The following TDRD6 variants were observed in gnomAD, a reference collection of about 807,000 sequenced individuals.
TDRD6 encodes tudor domain containing 6, also known as tudor domain-containing protein 6.
A neutral mutation model predicts 157.5 loss-of-function variants in TDRD6; 186 were observed. The ratio of observed to expected loss-of-function variants is 1.18; its 90% CI spans 1.05 to 1.33. The LOEUF is 1.33. TDRD6 is among the 40% of genes most tolerant of loss of function. TDRD6 has a pLI of 0.00. For synonymous variants in TDRD6, 1,075 were observed against 945.2 expected (o/e 1.14, Z -2.52); for missense variants, 3,066 against 2,508.0 (o/e 1.22, Z -4.75).
rs142413497 is a variant in TDRD6 at position 46,693,742 on chromosome 6, G to A, written c.5614G>A (p.Val1872Met). The A allele has an allele frequency of 5.6e-6, 9 of 1,614,036 alleles. No homozygotes were observed. The Admixed American group carries it at 8.3e-5, about 15-fold the overall frequency. Residue 1872 changes from valine to methionine, a missense_variant, in exon 1 of 4, where the codon GTG becomes ATG. Transcript: ENST00000316081. ...VDEEKGELSP[V>M]PPNVPLSQEC... ...TGAAGAAAAAGGGGAGCTAAGCCCG[G>A]TGCCACCGAATGTGCCACTCTCCCA...
Position 46,690,588 on chromosome 6 carries a change from C to T in TDRD6, c.2460C>T (p.Thr820=). The part of the protein sequence containing the change: ...KNTAAPHQRN[T]LACLAKRTVN... Reference sequence around the variant, plus strand: ...CAGCTGCTCCTCACCAGAGAAACACCCTTGCTTGTTTGGCTAAGCGAACAG... The same window carrying T: ...CAGCTGCTCCTCACCAGAGAAACACTCTTGCTTGTTTGGCTAAGCGAACAG... Residue 820 remains threonine (T), a synonymous_variant, in exon 1 of 4, where the codon ACC becomes ACT. Transcript: ENST00000316081. 6.2e-7 allele frequency: 1 copy of T among 1,614,180 alleles called. No individual in the cohort carries two copies. Among genetic ancestry groups the T allele is most frequent in the Non-Finnish European group, 8.5e-7 (1 of 1,180,028 alleles).
Position 46,689,843 on chromosome 6 carries a change from G to A in TDRD6, c.1715G>A (p.Arg572Gln), listed in dbSNP as rs975491395. The change falls in exon 1 of 4, where the codon CGA becomes CAA. Residue 572 changes from arginine (R) to glutamine (Q), a missense_variant. Arg to Gln is a conservative substitution (Grantham distance 43, BLOSUM62 1). Coordinates refer to ENST00000316081, the MANE Select transcript of TDRD6 (RefSeq NM_001010870.3). ...AGTGTGGATGTATTCTTAGTTGACC[G>A]AGGCAATTCGGAAAATGTGGACTGG... is the stretch of plus-strand genomic sequence containing the variant. ...DKSVDVFLVD[R>Q]GNSENVDWYD... The A allele has an allele frequency of 1.9e-6, 3 of 1,614,164 alleles. No homozygotes were observed. Among genetic ancestry groups the A allele is most frequent in the Middle Eastern group, 1.6e-4 (1 of 6,062 alleles).
rs1764203439 is a variant in TDRD6 at position 46,688,795 on chromosome 6, G to A, written c.667G>A (p.Gly223Arg). ...LTAATASVGS[G>R]VPVLSRVPLK... The stretch of plus-strand genomic sequence containing the variant: ...AGCGGCCACTGCTAGCGTGGGCTCC[G>A]GGGTCCCGGTTCTCTCGCGAGTCCC... Residue 223 changes from glycine (G) to arginine (R), a missense_variant, in exon 1 of 4, where the codon GGG becomes AGG. Transcript: ENST00000316081. 4 of 1,610,468 alleles carry A rather than the reference G, an allele frequency of 2.5e-6. No homozygotes were observed. The highest frequency in any genetic ancestry group is 1.7e-5 in the Admixed American group (1 of 60,002).
intron 2 of TDRD6, 66 bp from the exon 3 acceptor site, chr6:46,697,932 C>T (rs1258291914): frequency 3.6e-6 from 3 of 828,292 alleles, no homozygotes; most frequent in Non-Finnish European, 5.8e-6. Context: ...AAAATAATTG[C>T]TCTGGTACAT....
intron 2 of TDRD6, among the ~76,000 whole-genome samples, chr6:46,696,462 A>C (rs1226537461): frequency 1.3e-5 from 1 of 74,078 alleles, no homozygotes; most frequent in Admixed American, 1.8e-4. Flanking sequence ...ATATATATAT[A>C]TGTATATGTG....
At position 46,693,498 on chromosome 6, in the gene TDRD6, T is replaced by C. The variant is rs1459192312; in HGVS notation, c.5370T>C (p.Thr1790=). The change falls in exon 1 of 4, where the codon ACT becomes ACC. Residue 1790 remains threonine, a synonymous_variant. Transcript: ENST00000316081. ...ACCCCTGCAAAGATAAAATTGATAC[T>C]GAGGAACTGGAAGGTGAATTAGAGT... ...FENPCKDKID[T]EELEGELECH... 3 of 1,613,784 alleles carry C rather than the reference T, an allele frequency of 1.9e-6. No individual in the cohort carries two copies. The highest frequency in any genetic ancestry group is 2.7e-5 in the African/African-American group (2 of 75,000).
chr6:46,688,719 T>C lies in TDRD6; in HGVS notation c.591T>C (p.Ala197=). 6.3e-7 allele frequency: 1 copy of C among 1,599,308 alleles called. No individual in the cohort carries two copies. Residue 197 remains alanine, a synonymous_variant, in exon 1 of 4, where the codon GCT becomes GCC. Coordinates refer to ENST00000316081, the MANE Select transcript of TDRD6 (RefSeq NM_001010870.3). ...AACAGATGCGGGAGCTGGGCCTGGC[T>C]CGGCGGGTGCCCGACAGCCTCTTCC... ...VFQQMRELGL[A]RRVPDSLFRS... is the part of the protein sequence containing the mutation.
the TDRD6 span, chr6:46,681,484 G>T: frequency 2.1e-6 from 1 of 465,128 alleles, no homozygotes. Context: ...GAATTTTGAG[G>T]AATACATTAC....
intron 2 of TDRD6, among the ~76,000 whole-genome samples, chr6:46,696,579 G>A (rs2011718): frequency 0.1 from 4,886 of 47,790 alleles, 324 homozygotes; most frequent in African/African-American, 0.19. Context: ...GTGTGTGTGT[G>A]TGTATATATA....
In TDRD6 at chr6:46,688,958, A is replaced by G. The variant is rs778935722; in HGVS notation, c.830A>G (p.His277Arg). Reference sequence around the variant, plus strand: ...CTCCGCAGCGTCTCGCAGGAGATCCACCGCCTCTCCGAGAGCATGGCCCAG... The same window carrying G: ...CTCCGCAGCGTCTCGCAGGAGATCCGCCGCCTCTCCGAGAGCATGGCCCAG... ...CQLRSVSQEIHRLSESMAQVY... is the reference protein window; with the variant it reads ...CQLRSVSQEIRRLSESMAQVY... The change falls in exon 1 of 4, where the codon CAC (histidine) becomes CGC (arginine). Residue 277 changes from histidine to arginine, a missense_variant. By Grantham distance (29) the His-to-Arg change is conservative. Transcript: ENST00000316081. 3 of 1,612,862 alleles carry G rather than the reference A, an allele frequency of 1.9e-6. No homozygotes were observed. Among genetic ancestry groups the G allele is most frequent in the Non-Finnish European group, 8.5e-7 (1 of 1,179,312 alleles).
In TDRD6 at chr6:46,689,594, A is replaced by G. The variant is rs1764242544; in HGVS notation, c.1466A>G (p.Tyr489Cys). The stretch of plus-strand genomic sequence containing the variant: ...ATCAGGTTAAAGATGAATGCCTTCT[A>G]CGATGCGCAGGTAGAGTTTGTTAAA... ...RSIRLKMNAF[Y>C]DAQVEFVKNP... The change falls in exon 1 of 4, where the codon TAC becomes TGC. Residue 489 changes from tyrosine to cysteine, a missense_variant. Transcript: ENST00000316081. The G allele has an allele frequency of 3.1e-6, 5 of 1,614,200 alleles. No individual in the cohort carries two copies. The African/African-American group carries it at 5.3e-5, about 17-fold the overall frequency.
chr6:46,691,609 T>TA lies in TDRD6; in HGVS notation c.3482dup (p.Tyr1161Ter). Residue 1161 changes from tyrosine (Y) to a stop codon, truncating the protein, a stop_gained and frameshift_variant, in exon 1 of 4, where the codon TAC becomes TAAC. Transcript: ENST00000316081. LOFTEE classifies it high-confidence loss of function. Reference protein sequence around the residue: ...SINKKLGLLSYKDRIRKKESE... With the variant: ...SINKKLGLLS ...TAATAAGAAGTTGGGGCTACTTAGT[T>TA]ACAAAGATAGAATAAGAAAAAAAGA... 1 of 1,613,390 alleles carries TA rather than the reference T, an allele frequency of 6.2e-7. No individual in the cohort carries two copies. Among genetic ancestry groups the TA allele is most frequent in the Non-Finnish European group, 8.5e-7 (1 of 1,179,648 alleles).
chr6:46,680,516 C>A, the TDRD6 span, among the ~76,000 whole-genome samples: 1 of 152,248 alleles, frequency 6.6e-6, no homozygotes, highest in Non-Finnish European at 1.5e-5. Flanking sequence ...CCTTAAAGTA[C>A]AATACAGACT....
Position 46,693,762 on chromosome 6 carries a change from C to T in TDRD6, c.5634C>T (p.Leu1878=), listed in dbSNP as rs1210875193. ...GCCCGGTGCCACCGAATGTGCCACT[C>T]TCCCAAGAGTGTGTCACAAAAGGCG... The part of the protein sequence containing the change: ...ELSPVPPNVP[L]SQECVTKGAM... Residue 1878 remains leucine (L), a synonymous_variant, in exon 1 of 4, where the codon CTC becomes CTT. Transcript: ENST00000316081. 9 of 1,614,202 alleles carry T rather than the reference C, an allele frequency of 5.6e-6. No individual in the cohort carries two copies. The highest frequency in any genetic ancestry group is 1.1e-5 in the South Asian group (1 of 91,086).
chr6:46,694,106 C>T lies in TDRD6; in HGVS notation c.5978C>T (p.Pro1993Leu). 6.2e-7 allele frequency: 1 copy of T among 1,606,454 alleles called. No homozygotes were observed. The highest frequency in any genetic ancestry group is 8.5e-7 in the Non-Finnish European group (1 of 1,176,428). The change falls in exon 1 of 4, where the codon CCT becomes CTT. Residue 1993 changes from proline to leucine, a missense_variant. Transcript: ENST00000316081. ...AGGGATGCCATTTCGGCATTGATGC[C>T]TTTGTTCTCTGAGGAAGAAAGCAGT... ...KNRDAISALM[P>L]LFSEEESSDG...
chr6:46,689,190 G>A lies in TDRD6; in HGVS notation c.1062G>A (p.Val354=). 1 of 1,614,196 alleles carries A rather than the reference G, an allele frequency of 6.2e-7. No individual in the cohort carries two copies. Among genetic ancestry groups the A allele is most frequent in the South Asian group, 1.1e-5 (1 of 91,072 alleles). The change falls in exon 1 of 4, where the codon GTG becomes GTA. Residue 354 remains valine, a synonymous_variant. Coordinates refer to ENST00000316081, the MANE Select transcript of TDRD6 (RefSeq NM_001010870.3). ...TGGACTATGGAAGGAAGGAGTTAGT[G>A]AGTTGCAGCAGCCTTCGGTACTTGC... ...LHVDYGRKEL[V]SCSSLRYLLP... is the part of the protein sequence containing the mutation.
chr6:46,693,642 G>A lies in TDRD6; in HGVS notation c.5514G>A (p.Pro1838=), dbSNP rs765653817. Residue 1838 remains proline (P), a synonymous_variant, in exon 1 of 4, where the codon CCG becomes CCA. Transcript: ENST00000316081. The stretch of plus-strand genomic sequence containing the variant: ...TAGAACTGAATTCACTTGAGGTGCC[G>A]CTTTCTCCTGATGATGAATCAAAAG... ...EILELNSLEV[P]LSPDDESKEF... The A allele has an allele frequency of 3.7e-6, 6 of 1,614,136 alleles. No individual in the cohort carries two copies. The highest frequency in any genetic ancestry group is 3.3e-5 in the Admixed American group (2 of 60,018).
chr6:46,691,296 G>C lies in TDRD6; in HGVS notation c.3168G>C (p.Glu1056Asp). The C allele has an allele frequency of 6.2e-7, 1 of 1,614,060 alleles. No homozygotes were observed. The highest frequency in any genetic ancestry group is 8.5e-7 in the Non-Finnish European group (1 of 1,179,952). The part of the protein sequence containing the change: ...DGNWYRGIVI[E>D]KEPKKVFFVD... The stretch of plus-strand genomic sequence containing the variant: ...ACTGGTATAGGGGCATAGTAATAGA[G>C]AAAGAGCCAAAGAAAGTCTTCTTTG... Residue 1056 changes from glutamate (E) to aspartate (D), a missense_variant, in exon 1 of 4, where the codon GAG (glutamate) becomes GAC (aspartate). By Grantham distance (45) the Glu-to-Asp change is conservative. Transcript: ENST00000316081.
rs754917449 is a variant in TDRD6 at position 46,690,415 on chromosome 6, T to A, written c.2287T>A (p.Ser763Thr). ...QNCLEIKPGS[S>T]SKGELEVGST... ...TTGCTTGGAAATTAAGCCAGGCTCC[T>A]CTAGTAAAGGAGAGCTGGAAGTTGG... Residue 763 changes from serine to threonine, a missense_variant, in exon 1 of 4, where the codon TCT becomes ACT. Physicochemically the swap from Ser to Thr is moderately conservative, Grantham distance 58. Coordinates refer to ENST00000316081, the MANE Select transcript of TDRD6 (RefSeq NM_001010870.3). 4 of 1,613,924 alleles carry A rather than the reference T, an allele frequency of 2.5e-6. No individual in the cohort carries two copies. In the African/African-American group the frequency reaches 4.0e-5, roughly 16 times the overall value.
Sources: allele counts gnomAD v4.1 joint callset (sites outside exome capture counted in the v4.1 genomes callset), GRCh38; gene constraint gnomAD v4.1.1; transcripts MANE v1.5; gene names NCBI Gene and HGNC (gene_info 2026-07-23, HGNC 2026-07-21).